The following CACNA2D1 variants were observed in gnomAD, a reference collection of about 807,000 sequenced individuals.
The protein encoded by CACNA2D1 is voltage-dependent calcium channel subunit alpha-2/delta-1.
Under a neutral mutation model 171.5 loss-of-function variants are expected in CACNA2D1, and 53 were observed. The observed-to-expected ratio is 0.31, with a 90% CI of 0.25 to 0.39. CACNA2D1 has a LOEUF of 0.39. Ranked by LOEUF, CACNA2D1 falls within the 10% of genes least tolerant of loss-of-function variation. The probability of loss-of-function intolerance (pLI) is 1.00; values close to 1 mark genes in which losing one functional copy is unlikely to be tolerated. For synonymous variants in CACNA2D1, 442 were observed against 443.1 expected (o/e 1.00, Z 0.03); for missense variants, 903 against 1,299.8 (o/e 0.69, Z 4.69).
chr7:82,166,155 A>G (rs1334088404), intron 4 of CACNA2D1, among the ~76,000 whole-genome samples: 1 of 152,084 alleles, frequency 6.6e-6, no homozygotes, highest in African/African-American at 2.4e-5. Flanking sequence ...TTTAACTCGC[A>G]TAAACACAAA....
chr7:82,387,252 G>C (rs1824514175), intron 1 of CACNA2D1, among the ~76,000 whole-genome samples: 1 of 152,130 alleles, frequency 6.6e-6, no homozygotes, highest in South Asian at 2.1e-4. Context: ...GCAGAAATAT[G>C]TTGTGATGTA....
At chr7:82,228,636 C>A (rs1369786689) in intron 3 of CACNA2D1, among the ~76,000 whole-genome samples, 3 of 152,106 alleles carry the variant, frequency 2.0e-5, no homozygotes, top group Admixed American at 6.6e-5. Flanking sequence ...GTTTTCTAAT[C>A]TTTGAAAGAG....
chr7:82,031,895 C>T (rs1802743901), intron 12 of CACNA2D1, among the ~76,000 whole-genome samples: 1 of 151,862 alleles, frequency 6.6e-6, no homozygotes, highest in African/African-American at 2.4e-5. Flanking sequence ...GGCATTTTAC[C>T]CTGCAGAGTC....
chr7:82,215,460 C>T (rs1317209017), intron 3 of CACNA2D1, among the ~76,000 whole-genome samples: 1 of 152,000 alleles, frequency 6.6e-6, no homozygotes, highest in East Asian at 1.9e-4. Flanking sequence ...TAATAGCAAG[C>T]AAGAAATCTT....
intron 3 of CACNA2D1, among the ~76,000 whole-genome samples, chr7:82,330,128 C>T (rs749236433): frequency 1.8e-4 from 28 of 151,818 alleles, no homozygotes; most frequent in Admixed American, 3.3e-4. Flanking sequence ...GTTTTGATAT[C>T]GTTTTATCTT....
At chr7:81,997,119 G>A in intron 19 of CACNA2D1, 60 bp downstream of exon 19, 1 of 903,772 alleles carries the variant, frequency 1.1e-6, no homozygotes, top group East Asian at 2.4e-5. Context: ...GATACTTGTA[G>A]AATGAGTGCA....
intron 3 of CACNA2D1, among the ~76,000 whole-genome samples, chr7:82,262,088 T>C (rs910918727): frequency 1.3e-5 from 2 of 152,138 alleles, no homozygotes; most frequent in African/African-American, 4.8e-5. Flanking sequence ...TCCCAGCACT[T>C]TGGGAGGCCG....
chr7:81,965,998 ATGAG>A (rs990316741), intron 31 of CACNA2D1, among the ~76,000 whole-genome samples: 34 of 151,834 alleles, frequency 2.2e-4, no homozygotes, highest in Middle Eastern at 3.4e-3. Context: ...TTATTTAATA[ATGAG>A]TAACTGATTT....
intron 1 of CACNA2D1, among the ~76,000 whole-genome samples, chr7:82,407,764 A>G (rs1401815735): frequency 6.6e-6 from 1 of 152,162 alleles, no homozygotes; most frequent in Non-Finnish European, 1.5e-5. Context: ...TGGGGACTAG[A>G]CACTGTAGAA....
intron 34 of CACNA2D1, among the ~76,000 whole-genome samples, chr7:81,963,832 A>G (rs1794420782): frequency 2.0e-5 from 3 of 152,158 alleles, no homozygotes; most frequent in Admixed American, 1.3e-4. Flanking sequence ...TGAAGTTTAC[A>G]TCCGCATAAC....
At chr7:82,170,084 T>A (rs567478167) in intron 4 of CACNA2D1, among the ~76,000 whole-genome samples, 1 of 152,028 alleles carries the variant, frequency 6.6e-6, no homozygotes, top group Non-Finnish European at 1.5e-5. Flanking sequence ...CAAATTAAAT[T>A]TTAAGAAGTT....
At chr7:82,072,014 T>C (rs765873707) in intron 7 of CACNA2D1, among the ~76,000 whole-genome samples, 8 of 152,170 alleles carry the variant, frequency 5.3e-5, no homozygotes, top group Admixed American at 1.3e-4. Flanking sequence ...AGGGTTACCC[T>C]AAGCACTGAT....
chr7:81,969,088 A>G, intron 28 of CACNA2D1, 115 bp from the exon 29 acceptor site: 2 of 674,414 alleles, frequency 3.0e-6, no homozygotes. Flanking sequence ...TAGCATCTAC[A>G]AACTATAAAA....
chr7:82,365,056 G>C (rs1378333979), intron 1 of CACNA2D1, among the ~76,000 whole-genome samples: 1 of 152,136 alleles, frequency 6.6e-6, no homozygotes, highest in East Asian at 1.9e-4. Flanking sequence ...GGAATTGAAA[G>C]AGATTCAGAT....
At position 82,174,706 on chromosome 7, in the gene CACNA2D1, C is replaced by T. The variant is rs140282587; in HGVS notation, c.295-4097G>A. On this transcript the variant is annotated intron_variant, in intron 3 of 38. Transcript: ENST00000356860. ...ATCCCCAGCAAGGTTTTAGAAATTA[C>T]TAAAAAATGAAAAACAAAGCCAGCA... is the stretch of plus-strand genomic sequence containing the variant. Among the ~76,000 whole-genome samples, 485 of 152,056 alleles carry T rather than the reference C, an allele frequency of 3.2e-3. 5 individuals are homozygous for T. Among genetic ancestry groups the T allele is most frequent in the African/African-American group, 0.011 (444 of 41,490 alleles).
intron 10 of CACNA2D1, among the ~76,000 whole-genome samples, chr7:82,055,841 C>A (rs1457195302): frequency 7.6e-5 from 11 of 145,464 alleles, no homozygotes; most frequent in African/African-American, 2.3e-4. Context: ...TGCAGCACAC[C>A]AACATGGCAC....
intron 3 of CACNA2D1, among the ~76,000 whole-genome samples, chr7:82,204,421 C>T (rs541994559): frequency 2.8e-4 from 43 of 152,264 alleles, no homozygotes; most frequent in Non-Finnish European, 5.1e-4. Context: ...ACCAGGTATG[C>T]GGATGAACGG....
intron 1 of CACNA2D1, among the ~76,000 whole-genome samples, chr7:82,359,340 T>A (rs952512680): frequency 6.6e-6 from 1 of 152,168 alleles, no homozygotes; most frequent in African/African-American, 2.4e-5. Flanking sequence ...TTACTTAATG[T>A]CATGGTAAAA....
At chr7:82,130,397 G>A (rs1472094231) in intron 5 of CACNA2D1, among the ~76,000 whole-genome samples, 1 of 152,004 alleles carries the variant, frequency 6.6e-6, no homozygotes, top group African/African-American at 2.4e-5. Flanking sequence ...AGTAATAAGT[G>A]ACAAAGATCT....
Sources: allele counts gnomAD v4.1 joint callset (sites outside exome capture counted in the v4.1 genomes callset), GRCh38; gene constraint gnomAD v4.1.1; transcripts MANE v1.5; gene names NCBI Gene and HGNC (gene_info 2026-07-23, HGNC 2026-07-21).